The following TANK variants were observed in gnomAD, a reference collection of about 807,000 sequenced individuals.
TANK encodes TRAF family member-associated NF-kappa-B activator.
TANK carries 15 observed loss-of-function variants against 43.6 expected under a neutral mutation model. That is an observed-to-expected ratio of 0.34 (90% CI 0.23 to 0.53). TANK has a LOEUF of 0.53. Ranked by LOEUF, TANK falls within the 20% of genes least tolerant of loss-of-function variation. The pLI is 0.94. For missense variants in TANK, 417 were observed against 498.6 expected (o/e 0.84, Z 1.56); for synonymous variants, 162 against 178.2 (o/e 0.91, Z 0.73).
At chr2:161,144,781 G>A (rs1186933280) in intron 1 of TANK, among the ~76,000 whole-genome samples, 1 of 152,102 alleles carries the variant, frequency 6.6e-6, no homozygotes, top group East Asian at 1.9e-4. Context: ...CTGTTGATTT[G>A]GGGTGGACAG....
rs2105245156 is a variant in TANK, at chr2:161,160,491, G to A, written c.-50+5G>A. 1 of 1,258,256 alleles carries A rather than the reference G, an allele frequency of 7.9e-7. No homozygotes were observed. 77.9% of individuals were successfully genotyped at this position (1,258,256 alleles called of 1,614,324 possible). On this transcript the variant is annotated splice_donor_5th_base_variant and intron_variant, in intron 1 of 7. Transcript: ENST00000392749. ...GCAGCTGAAAGCGTGAACTGTGTGA[G>A]TAAGAAACTTTGTGAATTGGTGTGT...
At chr2:161,212,812 G>T in intron 4 of TANK, 3 of 977,024 alleles carry the variant, frequency 3.1e-6, no homozygotes, top group Non-Finnish European at 2.4e-6. Context: ...GTAAGGAATA[G>T]CCCCCTGTCC....
At chr2:161,172,292 T>G (rs1343373751) in intron 1 of TANK, among the ~76,000 whole-genome samples, 1 of 151,830 alleles carries the variant, frequency 6.6e-6, no homozygotes, top group Non-Finnish European at 1.5e-5. Flanking sequence ...TGCTATAAGG[T>G]GGTACAATAA....
At chr2:161,171,214 A>G (rs1684924926) in intron 1 of TANK, among the ~76,000 whole-genome samples, 1 of 152,184 alleles carries the variant, frequency 6.6e-6, no homozygotes, top group Non-Finnish European at 1.5e-5. Flanking sequence ...TGGGCTGCCC[A>G]GGGATTTTTG....
At chr2:161,161,751 C>G in intron 1 of TANK, 1 of 222,472 alleles carries the variant, frequency 4.5e-6, no homozygotes, top group Admixed American at 4.9e-5. Flanking sequence ...TTAACTGTCA[C>G]TTACTATGTC....
At chr2:161,166,252 G>T (rs565333156) in intron 1 of TANK, among the ~76,000 whole-genome samples, 1 of 152,308 alleles carries the variant, frequency 6.6e-6, no homozygotes, top group African/African-American at 2.4e-5. Context: ...TATTATATCA[G>T]CTGCCTGGAT....
chr2:161,167,587 C>T (rs1209857180), intron 1 of TANK, among the ~76,000 whole-genome samples: 6 of 152,046 alleles, frequency 3.9e-5, no homozygotes, highest in South Asian at 4.1e-4. Context: ...TTGCTCCATT[C>T]GGCCTTTGTT....
At chr2:161,161,115 C>CA in intron 1 of TANK, 2 of 1,191,014 alleles carry the variant, frequency 1.7e-6, no homozygotes, top group Non-Finnish European at 2.3e-6. Flanking sequence ...GTAGAGTCCT[C>CA]ACGCCGGTGT....
intron 2 of TANK, among the ~76,000 whole-genome samples, chr2:161,188,032 C>T (rs1574006168): frequency 6.6e-6 from 1 of 152,060 alleles, no homozygotes; most frequent in East Asian, 1.9e-4. Context: ...ATACAAAGTA[C>T]CAAAACTTCT....
chr2:161,145,293 G>A (rs984696751), intron 1 of TANK, among the ~76,000 whole-genome samples: 1 of 151,632 alleles, frequency 6.6e-6, no homozygotes, highest in Non-Finnish European at 1.5e-5. Context: ...GCCAGTCTGT[G>A]TCTTTTAGTT....
At chr2:161,200,244 T>G in intron 2 of TANK, 41 of 474,794 alleles carry the variant, frequency 8.6e-5, no homozygotes, top group Non-Finnish European at 1.1e-4. Context: ...TGGTTGTTAG[T>G]GAGTTTTCTG....
chr2:161,177,622 C>T (rs1685226387), intron 1 of TANK, among the ~76,000 whole-genome samples: 2 of 151,972 alleles, frequency 1.3e-5, no homozygotes, highest in African/African-American at 4.8e-5. Flanking sequence ...GATTAGGCAA[C>T]AGTTCCTTAG....
chr2:161,197,273 T>C (rs1686196614), intron 2 of TANK: 1 of 152,274 alleles, frequency 6.6e-6, no homozygotes, highest in South Asian at 2.1e-4. Flanking sequence ...TAGTCCATTT[T>C]GTCTCTTTGT....
intron 1 of TANK, chr2:161,161,407 C>T: frequency 1.9e-6 from 3 of 1,550,788 alleles, no homozygotes; most frequent in South Asian, 2.4e-5. Flanking sequence ...CACACCCAAA[C>T]GAGAGGTAGC....
At chr2:161,207,284 C>A in intron 4 of TANK, 1 of 503,460 alleles carries the variant, frequency 2.0e-6, no homozygotes, top group Non-Finnish European at 2.6e-6. Flanking sequence ...TTTGGGCAGA[C>A]GGTAAGAGGA....
At chr2:161,154,206 A>G (rs1684158257) in intron 1 of TANK, among the ~76,000 whole-genome samples, 1 of 152,212 alleles carries the variant, frequency 6.6e-6, no homozygotes, top group African/African-American at 2.4e-5. Context: ...TTAGAATCAG[A>G]TCATTCAGTA....
rs1190545652 is a variant in TANK, at chr2:161,203,596, G to A, written c.208+1G>A. ...TTACTTCTTGTGAATTCCACTCAAG[G>A]TATGTTCATGTTAATTTTTTATGTA... On this transcript the variant is annotated splice_donor_variant, in intron 3 of 7. Transcript: ENST00000392749. LOFTEE classifies it high-confidence loss of function. 1 of 1,580,022 alleles carries A rather than the reference G, an allele frequency of 6.3e-7. No individual in the cohort carries two copies. The highest frequency in any genetic ancestry group is 8.7e-7 in the Non-Finnish European group (1 of 1,155,368).
intron 1 of TANK, chr2:161,161,352 T>C: frequency 6.4e-7 from 1 of 1,550,546 alleles, no homozygotes; most frequent in Non-Finnish European, 8.7e-7. Context: ...CGACGTGAAA[T>C]TGAAGGAAAA....
At chr2:161,155,205 C>T (rs1220758000) in intron 1 of TANK, among the ~76,000 whole-genome samples, 2 of 152,006 alleles carry the variant, frequency 1.3e-5, no homozygotes, top group African/African-American at 4.8e-5. Flanking sequence ...CATTTACTTC[C>T]TGCCACCTCT....
Sources: allele counts gnomAD v4.1 joint callset (sites outside exome capture counted in the v4.1 genomes callset), GRCh38; gene constraint gnomAD v4.1.1; transcripts MANE v1.5; gene names NCBI Gene and HGNC (gene_info 2026-07-23, HGNC 2026-07-21).